Variants in PLEKHO2 observed in about 807,000 individuals in gnomAD.
PLEKHO2 encodes pleckstrin homology domain containing O2.
A neutral mutation model predicts 32.7 loss-of-function variants in PLEKHO2; 20 were observed. That is an observed-to-expected ratio of 0.61 (90% confidence interval 0.43 to 0.89). PLEKHO2 has a LOEUF of 0.89. Ranked by LOEUF, PLEKHO2 falls within the 40% of genes least tolerant of loss-of-function variation. PLEKHO2 has a pLI of 0.00. For synonymous variants in PLEKHO2, 247 were observed against 246.3 expected (o/e 1.00, Z -0.03); for missense variants, 568 against 621.2 (o/e 0.91, Z 0.91).
chr15:64,865,048 A>G lies in PLEKHO2; in HGVS notation c.633A>G (p.Leu211=). The G allele has an allele frequency of 6.2e-7, 1 of 1,614,046 alleles. No homozygotes were observed. ...TCATGCCTCCTACCAAGCCTTTCCT[A>G]GCACCTGAGACCACCAGCCCTGGTG... The part of the protein sequence containing the change: ...RPLMPPTKPF[L]APETTSPGDR... Residue 211 remains leucine (L), a synonymous_variant, in exon 6 of 6, where the codon CTA becomes CTG. Transcript: ENST00000323544.
rs1443083012 is a variant in PLEKHO2, at chr15:64,866,839, G to A, written c.*951G>A. 2 of 153,288 alleles carry A rather than the reference G, an allele frequency of 1.3e-5. No individual in the cohort carries two copies. The highest frequency in any genetic ancestry group is 2.9e-5 in the Non-Finnish European group (2 of 68,750). The allele number at this position is 153,288 out of a possible 1,614,324, so 9.5% of individuals were successfully genotyped here. ...GGATCTCTGTGGTTCCTTCTCAGCC[G>A]AAACAGGTCCAGTATCCCAGTCATT... On this transcript the variant is annotated 3_prime_UTR_variant, in exon 6 of 6. Transcript: ENST00000323544.
Position 64,865,180 on chromosome 15 carries a change from C to G in PLEKHO2, c.765C>G (p.Asp255Glu). The change falls in exon 6 of 6, where the codon GAC (aspartate) becomes GAG (glutamate). Residue 255 changes from aspartate (D) to glutamate (E), a missense_variant. Physicochemically the swap from Asp to Glu is conservative, Grantham distance 45. Coordinates refer to ENST00000323544, the MANE Select transcript of PLEKHO2 (RefSeq NM_025201.5). ...QEDSETPAEE[D>E]SGSEQPPNSV... ...ACTCAGAGACCCCAGCAGAGGAGGA[C>G]AGTGGCTCTGAGCAGCCTCCCAACA... 6.2e-7 allele frequency: 1 copy of G among 1,614,186 alleles called. No individual in the cohort carries two copies. Among genetic ancestry groups the G allele is most frequent in the African/African-American group, 1.3e-5 (1 of 75,046 alleles).
At position 64,865,736 on chromosome 15, in the gene PLEKHO2, G is replaced by A. The variant is rs376472778; in HGVS notation, c.1321G>A (p.Glu441Lys). The A allele has an allele frequency of 1.4e-5, 23 of 1,614,080 alleles. No homozygotes were observed. The highest frequency in any genetic ancestry group is 2.2e-5 in the East Asian group (1 of 44,894). Reference sequence around the variant, plus strand: ...CAGTGAGCCGGCCCCTGTTAGTGCCGAAACATTGCTCAGCCAGGCTGTGGA... The same window carrying A: ...CAGTGAGCCGGCCCCTGTTAGTGCCAAAACATTGCTCAGCCAGGCTGTGGA... ...LGSEPAPVSA[E>K]TLLSQAVEQL... The change falls in exon 6 of 6, where the codon GAA becomes AAA. Residue 441 changes from glutamate to lysine, a missense_variant. Transcript: ENST00000323544.
At chr15:64,858,027 A>G (rs997868084) in intron 3 of PLEKHO2, among the ~76,000 whole-genome samples, 1 of 152,162 alleles carries the variant, frequency 6.6e-6, no homozygotes, top group Non-Finnish European at 1.5e-5. Context: ...GCAGCTGGGT[A>G]GAAGGGCTGG....
chr15:64,843,510 C>T (rs552249808), intron 1 of PLEKHO2, among the ~76,000 whole-genome samples: 1 of 152,246 alleles, frequency 6.6e-6, no homozygotes, highest in East Asian at 1.9e-4. Context: ...GGAAGTTCTC[C>T]GGACACCTCC....
chr15:64,855,189 A>T lies in PLEKHO2; in HGVS notation c.279+152A>T, dbSNP rs565555116. 1.2e-3 allele frequency: 729 copies of T among 619,586 alleles called. 3 individuals carry two copies. Among genetic ancestry groups the T allele is most frequent in the Non-Finnish European group, 1.9e-3 (660 of 348,838 alleles). 38.4% of individuals were successfully genotyped at this position (619,586 alleles called of 1,614,324 possible). ...AGCCCTAGCAGCCACCATAGGTCAG[A>T]CCTTTGCTCATTTTGTCTCGGAATC... On this transcript the variant is annotated intron_variant, in intron 3 of 5. Coordinates refer to ENST00000323544, the MANE Select transcript of PLEKHO2 (RefSeq NM_025201.5).
Position 64,865,033 on chromosome 15 carries a change from T to A in PLEKHO2, c.618T>A (p.Pro206=), listed in dbSNP as rs370527309. ...AGACACCCCGGCCCCTCATGCCTCC[T>A]ACCAAGCCTTTCCTAGCACCTGAGA... ...PRETPRPLMP[P]TKPFLAPETT... Residue 206 remains proline, a synonymous_variant, in exon 6 of 6, where the codon CCT becomes CCA. Transcript: ENST00000323544. 3.7e-6 allele frequency: 6 copies of A among 1,613,986 alleles called. No individual in the cohort carries two copies. Among genetic ancestry groups the A allele is most frequent in the Admixed American group, 1.7e-5 (1 of 59,998 alleles).
intron 2 of PLEKHO2, 82 bp downstream of exon 2, chr15:64,848,824 G>A: frequency 1.3e-6 from 2 of 1,565,850 alleles, no homozygotes; most frequent in Non-Finnish European, 8.7e-7. Context: ...GAGGACCCTG[G>A]GTCTGGGGCC....
At chr15:64,855,094 G>A in intron 3 of PLEKHO2, 57 bp downstream of exon 3, 1 of 1,405,000 alleles carries the variant, frequency 7.1e-7, no homozygotes, top group African/African-American at 1.4e-5. Flanking sequence ...AGCTTGGGAG[G>A]CCTAAGCAGG....
In PLEKHO2 at chr15:64,866,393, A is replaced by G; in HGVS notation, c.*505A>G. ...CCTCCCACCTATTCTGAGTAGCTGC[A>G]GAGGCCTTGGGTCCAGGCTCTAGGT... On this transcript the variant is annotated 3_prime_UTR_variant, in exon 6 of 6. Coordinates refer to ENST00000323544, the MANE Select transcript of PLEKHO2 (RefSeq NM_025201.5). The G allele has an allele frequency of 4.4e-6, 2 of 456,450 alleles. No homozygotes were observed. 28.3% of individuals were successfully genotyped at this position (456,450 alleles called of 1,614,324 possible). A position where few individuals can be genotyped will look rare whatever the true frequency, so the allele number is the denominator to read the frequency against.
chr15:64,864,750 G>A (rs1251639047), intron 5 of PLEKHO2, 149 bp from the exon 6 acceptor site: 1 of 678,888 alleles, frequency 1.5e-6, no homozygotes, highest in Non-Finnish European at 2.4e-6. Flanking sequence ...TTCTAATTAA[G>A]TAGCCACAGA....
chr15:64,852,107 G>A (rs1001797212), intron 2 of PLEKHO2, among the ~76,000 whole-genome samples: 1 of 152,142 alleles, frequency 6.6e-6, no homozygotes, highest in Non-Finnish European at 1.5e-5. Context: ...AGTCAGGACT[G>A]TGTTTTCCCA....
In PLEKHO2 at chr15:64,865,353, C is replaced by G. The variant is rs748222444; in HGVS notation, c.938C>G (p.Pro313Arg). ...GAGGGTGGGAAGCCCCCTACACCCC[C>G]ACCCAAGATCTTATCAGAGAAACTG... is the stretch of plus-strand genomic sequence containing the variant. The part of the protein sequence containing the change: ...PREGGKPPTP[P>R]PKILSEKLKA... Residue 313 changes from proline (P) to arginine (R), a missense_variant, in exon 6 of 6, where the codon CCA (proline) becomes CGA (arginine). Coordinates refer to ENST00000323544, the MANE Select transcript of PLEKHO2 (RefSeq NM_025201.5). The G allele has an allele frequency of 9.3e-6, 15 of 1,613,678 alleles. No homozygotes were observed. In the South Asian group the frequency reaches 1.6e-4, roughly 18 times the overall value.
chr15:64,848,435 G>C (rs1201647725), intron 1 of PLEKHO2, among the ~76,000 whole-genome samples, 158 bp from the exon 2 acceptor site: 1 of 152,162 alleles, frequency 6.6e-6, no homozygotes, highest in Non-Finnish European at 1.5e-5. Context: ...TCTGATCCTG[G>C]GTTAGGAATA....
intron 1 of PLEKHO2, among the ~76,000 whole-genome samples, chr15:64,843,331 C>T (rs987993308): frequency 1.3e-5 from 2 of 152,220 alleles, no homozygotes; most frequent in South Asian, 4.1e-4. Flanking sequence ...AAAGTCAGGC[C>T]TCTGTGATTT....
chr15:64,861,283 G>C (rs1284764123), intron 4 of PLEKHO2, among the ~76,000 whole-genome samples, 194 bp from the exon 5 acceptor site: 1 of 152,258 alleles, frequency 6.6e-6, no homozygotes, highest in Non-Finnish European at 1.5e-5. Context: ...GGCAGCTGCA[G>C]AGAGGGAGAG....
At position 64,865,351 on chromosome 15, in the gene PLEKHO2, C is replaced by T. The variant is rs781429919; in HGVS notation, c.936C>T (p.Pro312=). ...APREGGKPPT[P]PPKILSEKLK... ...GGGAGGGTGGGAAGCCCCCTACACC[C>T]CCACCCAAGATCTTATCAGAGAAAC... The change falls in exon 6 of 6, where the codon CCC becomes CCT. Residue 312 remains proline, a synonymous_variant. Coordinates refer to ENST00000323544, the MANE Select transcript of PLEKHO2 (RefSeq NM_025201.5). 4.3e-6 allele frequency: 7 copies of T among 1,613,802 alleles called. No individual in the cohort carries two copies. In the South Asian group the frequency reaches 7.7e-5, roughly 18 times the overall value.
rs760813398 is a variant in PLEKHO2 at position 64,865,012 on chromosome 15, A to G, written c.597A>G (p.Thr199=). 1 of 1,614,014 alleles carries G rather than the reference A, an allele frequency of 6.2e-7. No homozygotes were observed. ...TCAGTGAAGCCCAACCTCGGGAGAC[A>G]CCCCGGCCCCTCATGCCTCCTACCA... ...NHVSEAQPRE[T]PRPLMPPTKP... The change falls in exon 6 of 6, where the codon ACA becomes ACG. Residue 199 remains threonine (T), a synonymous_variant. Transcript: ENST00000323544.
intron 3 of PLEKHO2, among the ~76,000 whole-genome samples, chr15:64,855,273 C>T (rs1015604506): frequency 1.3e-5 from 2 of 152,338 alleles, no homozygotes; most frequent in East Asian, 3.9e-4. Context: ...ACCTCTGCTC[C>T]CCTTTTCCTC....
Sources: allele counts gnomAD v4.1 joint callset (sites outside exome capture counted in the v4.1 genomes callset), GRCh38; gene constraint gnomAD v4.1.1; transcripts MANE v1.5; gene names NCBI Gene and HGNC (gene_info 2026-07-23, HGNC 2026-07-21).